The following GSKIP variants were observed in gnomAD, a reference collection of about 807,000 sequenced individuals.
GSKIP encodes GSK3B-interacting protein.
Under a neutral mutation model 11.9 loss-of-function variants are expected in GSKIP, and 5 were observed. The observed-to-expected ratio is 0.42, with a 90% confidence interval of 0.22 to 0.89. The LOEUF (loss-of-function observed/expected upper bound fraction) is 0.89, where lower values mean the gene tolerates loss of function less well. GSKIP is among the 40% of genes least tolerant of loss of function. The probability of loss-of-function intolerance (pLI) is 0.29; values close to 1 mark genes in which losing one functional copy is unlikely to be tolerated. For missense variants in GSKIP, 150 were observed against 166.6 expected, an observed-to-expected ratio of 0.90 and a Z score of 0.55; for synonymous variants, 70 against 62.9, an observed-to-expected ratio of 1.11 and a Z score of -0.54.
rs145554650 is a variant in GSKIP at position 96,370,944 on chromosome 14, G to C, written c.-103+7376G>C. 4.4e-3 allele frequency among the ~76,000 whole-genome samples: 673 copies of C among 152,306 alleles called. 26 individuals are homozygous for C. The South Asian group carries it at 0.067, about 15-fold the overall frequency. Reference sequence around the variant, plus strand: ...TCTGTGTTATTGCTGAAAATGGGGTGCAGAATAATTTTATAAACCAGAGTA... The same window carrying C: ...TCTGTGTTATTGCTGAAAATGGGGTCCAGAATAATTTTATAAACCAGAGTA... On this transcript the variant is annotated intron_variant, in intron 1 of 3. Transcript: ENST00000555181.
Position 96,382,431 on chromosome 14 carries a change from G to C in GSKIP, c.184G>C (p.Asp62His), listed in dbSNP as rs1244757719. 4 of 1,613,216 alleles carry C rather than the reference G, an allele frequency of 2.5e-6. No homozygotes were observed. Among genetic ancestry groups the C allele is most frequent in the Non-Finnish European group, 3.4e-6 (4 of 1,179,230 alleles). ...FVSKSLRCADDVAYINVETKE... is the reference protein window; with the variant it reads ...FVSKSLRCADHVAYINVETKE... ...CTCGAAAAGCCTGCGGTGTGCGGATGATGTGGCCTATATCAATGTGGAAAC... is the reference window on the plus strand; with the variant it reads ...CTCGAAAAGCCTGCGGTGTGCGGATCATGTGGCCTATATCAATGTGGAAAC... Residue 62 changes from aspartate to histidine, a missense_variant, in exon 3 of 4, where the codon GAT becomes CAT. Transcript: ENST00000555181.
intron 1 of GSKIP, among the ~76,000 whole-genome samples, chr14:96,376,436 C>T (rs887177009): frequency 1.3e-5 from 2 of 152,152 alleles, no homozygotes; most frequent in Admixed American, 6.5e-5. Flanking sequence ...TTTGACTGAC[C>T]TGTACCCTTA....
chr14:96,370,139 A>G (rs1023691962), intron 1 of GSKIP, among the ~76,000 whole-genome samples: 1 of 152,112 alleles, frequency 6.6e-6, no homozygotes, highest in Non-Finnish European at 1.5e-5. Flanking sequence ...CTCTTGGCCA[A>G]TTTCTCCCTT....
chr14:96,375,972 G>A (rs1889191171), intron 1 of GSKIP, among the ~76,000 whole-genome samples: 1 of 152,116 alleles, frequency 6.6e-6, no homozygotes, highest in African/African-American at 2.4e-5. Context: ...CCACTCTTTG[G>A]GTAGAGCACT....
At chr14:96,375,064 A>G (rs921857934) in intron 1 of GSKIP, among the ~76,000 whole-genome samples, 1 of 152,254 alleles carries the variant, frequency 6.6e-6, no homozygotes, top group African/African-American at 2.4e-5. Flanking sequence ...AGTGTTTTGT[A>G]AAGTTCATAT....
intron 1 of GSKIP, among the ~76,000 whole-genome samples, chr14:96,369,791 C>T (rs1023307412): frequency 1.3e-5 from 2 of 152,056 alleles, no homozygotes; most frequent in Non-Finnish European, 2.9e-5. Flanking sequence ...TAGGACATTG[C>T]CAAGCAGAAA....
At chr14:96,364,478 C>T (rs1156333640) in intron 1 of GSKIP, 1 of 152,172 alleles carries the variant, frequency 6.6e-6, no homozygotes, top group Non-Finnish European at 1.5e-5. Context: ...TTAAGACGAC[C>T]AGTTTAAGGA....
chr14:96,368,770 C>T (rs1254879345), intron 1 of GSKIP, among the ~76,000 whole-genome samples: 1 of 152,136 alleles, frequency 6.6e-6, no homozygotes, highest in East Asian at 1.9e-4. Context: ...CTCCTTCCTT[C>T]CTTCACCATG....
intron 3 of GSKIP, 39 bp downstream of exon 3, chr14:96,382,544 G>A (rs1237578406): frequency 6.6e-7 from 1 of 1,517,018 alleles, no homozygotes; most frequent in Non-Finnish European, 9.0e-7. Flanking sequence ...AATTATTTAT[G>A]TCTTTACCAC....
At chr14:96,370,018 CTCATACTGCTG>C (rs1889000860) in intron 1 of GSKIP, among the ~76,000 whole-genome samples, 2 of 152,216 alleles carry the variant, frequency 1.3e-5, no homozygotes, top group Non-Finnish European at 2.9e-5. Flanking sequence ...GAGCCCACCC[CTCATACTGCTG>C]TGCCAGGATG....
chr14:96,370,802 T>C (rs1889026496), intron 1 of GSKIP, among the ~76,000 whole-genome samples: 1 of 152,164 alleles, frequency 6.6e-6, no homozygotes, highest in African/African-American at 2.4e-5. Flanking sequence ...ATGAGCCAAA[T>C]AAACCTCTTT....
chr14:96,380,553 T>G (rs2139941493), intron 2 of GSKIP, among the ~76,000 whole-genome samples: 1 of 152,376 alleles, frequency 6.6e-6, no homozygotes, highest in Non-Finnish European at 1.5e-5. Flanking sequence ...CAGGTAATTC[T>G]AATGACTAGC....
chr14:96,380,214 C>T (rs1889309542), intron 2 of GSKIP: 1 of 152,092 alleles, frequency 6.6e-6, no homozygotes, highest in Non-Finnish European at 1.5e-5. Flanking sequence ...CTGTAAAGTG[C>T]TGTGAGAGAC....
chr14:96,382,140 T>C lies in GSKIP; in HGVS notation c.-1-107T>C, dbSNP rs73349211. Reference sequence around the variant, plus strand: ...TTTCCTAACAATTGTTAGCTAGTGTTTTGTACTAAGGAGCAATTGTAAGGC... The same window carrying C: ...TTTCCTAACAATTGTTAGCTAGTGTCTTGTACTAAGGAGCAATTGTAAGGC... On this transcript the variant is annotated intron_variant, in intron 2 of 3. Coordinates refer to ENST00000555181, the MANE Select transcript of GSKIP (RefSeq NM_016472.5). 6,039 of 693,806 alleles carry C rather than the reference T, an allele frequency of 8.7e-3. 293 individuals are homozygous for C. The African/African-American group carries it at 0.097, about 11-fold the overall frequency. The allele number at this position is 693,806 out of a possible 1,614,324, so 43.0% of individuals were successfully genotyped here.
chr14:96,372,040 A>G (rs1049030198), intron 1 of GSKIP, among the ~76,000 whole-genome samples: 4 of 152,204 alleles, frequency 2.6e-5, no homozygotes, highest in African/African-American at 9.6e-5. Flanking sequence ...GTATAATCTA[A>G]AGAGGATGTG....
At chr14:96,379,231 G>A (rs1889281688) in intron 1 of GSKIP, among the ~76,000 whole-genome samples, 1 of 152,192 alleles carries the variant, frequency 6.6e-6, no homozygotes, top group African/African-American at 2.4e-5. Context: ...TTGAAGCCGG[G>A]AGGCAGAGGT....
chr14:96,367,468 T>G lies in GSKIP; in HGVS notation c.-103+3900T>G, dbSNP rs543602481. Among the ~76,000 whole-genome samples, 3 of 152,204 alleles carry G rather than the reference T, an allele frequency of 2.0e-5. No homozygotes were observed. The South Asian group carries it at 6.2e-4, about 31-fold the overall frequency. On this transcript the variant is annotated intron_variant, in intron 1 of 3. Transcript: ENST00000555181. ...ATATCGTATCCTGCCCTCAGCTGAC[T>G]GTTAACAATGTCAACTGAAAGGTCA...
chr14:96,370,227 A>G (rs930517), intron 1 of GSKIP, among the ~76,000 whole-genome samples: 48,194 of 152,104 alleles, frequency 0.32, 8,152 homozygotes, highest in Middle Eastern at 0.43. Flanking sequence ...TTACTTCACA[A>G]GCTTATAGCT....
chr14:96,384,038 C>G (rs1001849549), intron 3 of GSKIP, among the ~76,000 whole-genome samples: 5 of 152,004 alleles, frequency 3.3e-5, no homozygotes, highest in African/African-American at 1.2e-4. Context: ...GCTTCTTAAT[C>G]TATAACTTGG....
Sources: allele counts gnomAD v4.1 joint callset (sites outside exome capture counted in the v4.1 genomes callset), GRCh38; gene constraint gnomAD v4.1.1; transcripts MANE v1.5; gene names NCBI Gene and HGNC (gene_info 2026-07-23, HGNC 2026-07-21).